NUSAP1: variants seen among roughly 807,000 people sequenced by gnomAD.
The protein encoded by NUSAP1 is nucleolar and spindle-associated protein 1.
Under a neutral mutation model 52.8 loss-of-function variants are expected in NUSAP1, and 32 were observed. That is an observed-to-expected ratio of 0.61 (90% CI 0.46 to 0.81). NUSAP1 has a LOEUF of 0.81. NUSAP1 is among the 40% of genes least tolerant of loss of function. The pLI, the probability that NUSAP1 is intolerant of heterozygous loss-of-function variation, is 0.00. For synonymous variants in NUSAP1, 195 were observed against 183.1 expected, an observed-to-expected ratio of 1.06 and a Z score of -0.52; for missense variants, 499 against 522.3, an observed-to-expected ratio of 0.96 and a Z score of 0.43.
chr15:41,337,931 CTTT>C (rs757341496), intron 1 of NUSAP1, among the ~76,000 whole-genome samples: 6 of 110,920 alleles, frequency 5.4e-5, no homozygotes, highest in South Asian at 2.8e-4. Context: ...TTTCTTTTTT[CTTT>C]TTTTTTTTTT....
chr15:41,339,336 C>A (rs1379136112), intron 1 of NUSAP1, among the ~76,000 whole-genome samples: 3 of 150,776 alleles, frequency 2.0e-5, no homozygotes, highest in Admixed American at 1.3e-4. Flanking sequence ...ATAGAGAAAC[C>A]AAATATGAGA....
intron 4 of NUSAP1, among the ~76,000 whole-genome samples, chr15:41,355,529 C>T (rs963731779): frequency 3.9e-5 from 6 of 152,064 alleles, no homozygotes; most frequent in African/African-American, 1.4e-4. Flanking sequence ...TTTCTGAATG[C>T]CTACTTGAAG....
chr15:41,353,220 G>C (rs1595557491), intron 4 of NUSAP1, among the ~76,000 whole-genome samples: 4 of 152,112 alleles, frequency 2.6e-5, no homozygotes, highest in Admixed American at 2.6e-4. Context: ...ACAGGATCTC[G>C]GCTCATTGCA....
chr15:41,376,012 G>T (rs145530220), intron 9 of NUSAP1, among the ~76,000 whole-genome samples, 184 bp downstream of exon 9: 3,093 of 152,260 alleles, frequency 0.02, 111 homozygotes, highest in African/African-American at 0.071. Flanking sequence ...GTTGCAGTGA[G>T]CCGAGACCGT....
At chr15:41,346,282 G>A (rs1483559184) in intron 2 of NUSAP1, among the ~76,000 whole-genome samples, 1 of 151,556 alleles carries the variant, frequency 6.6e-6, no homozygotes, top group Non-Finnish European at 1.5e-5. Context: ...ATTCCCAACA[G>A]ATATATTTTA....
At chr15:41,359,461 C>T (rs933917664) in intron 6 of NUSAP1, among the ~76,000 whole-genome samples, 2 of 152,136 alleles carry the variant, frequency 1.3e-5, no homozygotes, top group Non-Finnish European at 1.5e-5. Flanking sequence ...TACCATCAGT[C>T]ACTCAGCTGA....
Position 41,365,584 on chromosome 15 carries a change from T to C in NUSAP1, c.843T>C (p.Gly281=). ...CTGCTATCTCTGCAGCTAAAACGGG[T>C]GTCAGGTAAAGAAATCACTCCAAAA... ...KRSAISAAKT[G]VRFSAATKDN... The change falls in exon 7 of 11, where the codon GGT becomes GGC. Residue 281 remains glycine, a synonymous_variant. Transcript: ENST00000559596. The C allele has an allele frequency of 1.3e-6, 2 of 1,590,088 alleles. No homozygotes were observed. The highest frequency in any genetic ancestry group is 1.7e-6 in the Non-Finnish European group (2 of 1,163,990).
intron 9 of NUSAP1, among the ~76,000 whole-genome samples, chr15:41,376,462 C>T (rs1010328729): frequency 5.3e-5 from 8 of 151,436 alleles, no homozygotes; most frequent in East Asian, 2.0e-4. Context: ...CCAAGGCAGG[C>T]GGATCATGAG....
At position 41,342,265 on chromosome 15, in the gene NUSAP1, TG is replaced by T. The variant is rs542787966; in HGVS notation, c.94-119del. On this transcript the variant is annotated intron_variant, in intron 1 of 10. Coordinates refer to ENST00000559596, the MANE Select transcript of NUSAP1 (RefSeq NM_016359.5). ...GCAGAGACCCATTCTTTCTAAGTAA[TG>T]GTTCTAGTCCTATGGTCTGACCAGA... 184 of 660,032 alleles carry T rather than the reference TG, an allele frequency of 2.8e-4. No individual in the cohort carries two copies. In the African/African-American group the frequency reaches 3.2e-3, roughly 12 times the overall value. The allele number at this position is 660,032 out of a possible 1,614,324, so 40.9% of individuals were successfully genotyped here.
intron 2 of NUSAP1, among the ~76,000 whole-genome samples, chr15:41,348,187 T>A (rs1307262087): frequency 6.6e-6 from 1 of 152,092 alleles, no homozygotes; most frequent in Non-Finnish European, 1.5e-5. Context: ...AAAATATAAC[T>A]CCTGGCTTAG....
intron 6 of NUSAP1, among the ~76,000 whole-genome samples, chr15:41,364,800 G>A (rs1314003657): frequency 6.6e-6 from 1 of 152,054 alleles, no homozygotes; most frequent in African/African-American, 2.4e-5. Flanking sequence ...CCTGGAAGGT[G>A]AAGATTGCAG....
intron 8 of NUSAP1, among the ~76,000 whole-genome samples, chr15:41,374,115 T>C (rs1466754549): frequency 2.6e-5 from 4 of 152,232 alleles, no homozygotes. Context: ...CAATTATTGT[T>C]TTCCCCTTTT....
chr15:41,373,266 C>T (rs1038854184), intron 8 of NUSAP1, among the ~76,000 whole-genome samples: 24 of 151,358 alleles, frequency 1.6e-4, no homozygotes, highest in East Asian at 4.0e-4. Flanking sequence ...TGGTGGCACG[C>T]GCCTGTAATC....
At position 41,345,740 on chromosome 15, in the gene NUSAP1, G is replaced by T. The variant is rs546720499; in HGVS notation, c.162+3286G>T. ...CCCAAAGTGCTGGGATTCCAGGGGT[G>T]AGCCACCGCATATGCTTACCTATTT... On this transcript the variant is annotated intron_variant, in intron 2 of 10. Transcript: ENST00000559596. 205 of 244,706 alleles carry T rather than the reference G, an allele frequency of 8.4e-4. 7 individuals carry two copies. Among genetic ancestry groups the T allele is most frequent in the South Asian group, 8.0e-3 (199 of 25,016 alleles). The allele number at this position is 244,706 out of a possible 1,614,324, so 15.2% of individuals were successfully genotyped here. A position where few individuals can be genotyped will look rare whatever the true frequency, so the allele number is the denominator to read the frequency against.
chr15:41,341,742 G>A (rs375864645), intron 1 of NUSAP1, among the ~76,000 whole-genome samples: 3 of 152,332 alleles, frequency 2.0e-5, no homozygotes, highest in South Asian at 2.1e-4. Flanking sequence ...ACATTGTGCA[G>A]GTAGACTACT....
At chr15:41,356,912 T>C (rs904175742) in intron 5 of NUSAP1, among the ~76,000 whole-genome samples, 32 of 152,182 alleles carry the variant, frequency 2.1e-4, no homozygotes, top group African/African-American at 6.8e-4. Flanking sequence ...TTATTATATT[T>C]ATAGTAGTTG....
At chr15:41,378,945 T>TTTTTG (rs2050096125) in intron 10 of NUSAP1, among the ~76,000 whole-genome samples, 1 of 41,698 alleles carries the variant, frequency 2.4e-5, no homozygotes, top group Non-Finnish European at 3.9e-5. Context: ...CTTATCTTGG[T>TTTTTG]TTTTTTTTTT....
At chr15:41,349,591 C>T (rs2048705118) in intron 3 of NUSAP1, among the ~76,000 whole-genome samples, 1 of 152,108 alleles carries the variant, frequency 6.6e-6, no homozygotes, top group African/African-American at 2.4e-5. Context: ...CTCCTTCCTA[C>T]CTTGTCCCTG....
In NUSAP1 at chr15:41,332,926, T is replaced by C; in HGVS notation, c.-32T>C. The C allele has an allele frequency of 6.5e-7, 1 of 1,543,124 alleles. No individual in the cohort carries two copies. On this transcript the variant is annotated 5_prime_UTR_variant, in exon 1 of 11. Coordinates refer to ENST00000559596, the MANE Select transcript of NUSAP1 (RefSeq NM_016359.5). ...CGCGCTGACGAAGTTTGGTGATCCA[T>C]CTTCCGAGTATCGCCGGGATTTCGA... is the stretch of plus-strand genomic sequence containing the variant.
Sources: allele counts gnomAD v4.1 joint callset (sites outside exome capture counted in the v4.1 genomes callset), GRCh38; gene constraint gnomAD v4.1.1; transcripts MANE v1.5; gene names NCBI Gene and HGNC (gene_info 2026-07-23, HGNC 2026-07-21).